RBMS3: variants seen among roughly 807,000 people sequenced by gnomAD.
RBMS3 encodes RNA binding motif single stranded interacting protein 3.
In RBMS3, 27 loss-of-function variants were observed where a neutral mutation model predicts 66.8. The observed-to-expected ratio is 0.40, with a 90% CI of 0.30 to 0.56. The LOEUF (loss-of-function observed/expected upper bound fraction) is 0.56. Among genes scored for constraint, RBMS3 ranks in the 20% least tolerant of loss-of-function variants. The pLI, the probability that RBMS3 is intolerant of heterozygous loss-of-function variation, is 0.40. For missense variants in RBMS3, 513 were observed against 549.5 expected (o/e 0.93, Z 0.66); for synonymous variants, 188 against 183.0 (o/e 1.03, Z -0.22).
chr3:29,341,053 C>A (rs2036253333), intron 1 of RBMS3, among the ~76,000 whole-genome samples: 2 of 151,978 alleles, frequency 1.3e-5, no homozygotes, highest in South Asian at 4.2e-4. Context: ...GGAGAGCCAG[C>A]CACTAGCAAT....
At chr3:29,384,352 T>G (rs1575671756) in intron 1 of RBMS3, among the ~76,000 whole-genome samples, 1 of 151,484 alleles carries the variant, frequency 6.6e-6, no homozygotes, top group South Asian at 2.1e-4. Context: ...AAAACAATTA[T>G]AGTGGAAGAG....
chr3:29,523,620 A>T (rs1287673296), intron 3 of RBMS3, among the ~76,000 whole-genome samples: 1 of 152,184 alleles, frequency 6.6e-6, no homozygotes, highest in Non-Finnish European at 1.5e-5. Context: ...ATGATTCTTG[A>T]AGCCTTAATA....
intron 4 of RBMS3, among the ~76,000 whole-genome samples, chr3:29,665,978 T>C (rs982887438): frequency 5.3e-5 from 8 of 152,182 alleles, no homozygotes; most frequent in Admixed American, 1.3e-4. Context: ...AAAAGGCTCG[T>C]CTACAGTTAA....
At chr3:29,826,738 C>T (rs2058221478) in intron 6 of RBMS3, among the ~76,000 whole-genome samples, 1 of 152,102 alleles carries the variant, frequency 6.6e-6, no homozygotes, top group African/African-American at 2.4e-5. Context: ...CAATATTTCT[C>T]CTTGGATCAC....
chr3:29,568,636 AT>A (rs2046826380), intron 3 of RBMS3, among the ~76,000 whole-genome samples: 1 of 152,146 alleles, frequency 6.6e-6, no homozygotes, highest in Non-Finnish European at 1.5e-5. Flanking sequence ...CTGAGGACTC[AT>A]TGCTATCAAA....
intron 3 of RBMS3, among the ~76,000 whole-genome samples, chr3:29,544,922 G>A (rs1224339113): frequency 6.6e-6 from 1 of 152,088 alleles, no homozygotes. Context: ...TAGCCCTTTG[G>A]ATAGGCAATA....
intron 1 of RBMS3, among the ~76,000 whole-genome samples, chr3:29,424,648 T>C (rs560257458): frequency 1.3e-5 from 2 of 152,334 alleles, no homozygotes; most frequent in Admixed American, 1.3e-4. Context: ...AGTTCCCATT[T>C]AATTGGACAA....
At chr3:29,537,836 A>AAG (rs984866687) in intron 3 of RBMS3, among the ~76,000 whole-genome samples, 7 of 151,006 alleles carry the variant, frequency 4.6e-5, no homozygotes, top group African/African-American at 1.2e-4. Context: ...AAAAAAAAAA[A>AAG]AAAGAAAGAA....
chr3:29,756,399 T>A (rs2055414748), intron 5 of RBMS3, among the ~76,000 whole-genome samples: 1 of 152,112 alleles, frequency 6.6e-6, no homozygotes, highest in South Asian at 2.1e-4. Context: ...TTTCATGGAC[T>A]CACAGATCCA....
At position 29,837,663 on chromosome 3, in the gene RBMS3, C is replaced by CATATATATATAT. The variant is rs3070797; in HGVS notation, c.638-31162_638-31151dup. Among the ~76,000 whole-genome samples, 200 of 67,626 alleles carry CATATATATATAT rather than the reference C, an allele frequency of 3.0e-3. 4 individuals are homozygous for CATATATATATAT. Among genetic ancestry groups the CATATATATATAT allele is most frequent in the Non-Finnish European group, 4.1e-3 (146 of 35,488 alleles). 44.4% of individuals were successfully genotyped at this position (67,626 alleles called of 152,430 possible). ...ATAATGAACATATATATATAATGAA[C>CATATATATATAT]ATATATATATATATATATATATATA... On this transcript the variant is annotated intron_variant, in intron 6 of 14. Transcript: ENST00000383767.
chr3:29,627,041 A>G (rs2049086314), intron 4 of RBMS3, among the ~76,000 whole-genome samples: 1 of 152,158 alleles, frequency 6.6e-6, no homozygotes, highest in Non-Finnish European at 1.5e-5. Context: ...TAGTTTCCTT[A>G]TCTGAAAAAT....
rs184230610 is a variant in RBMS3, at chr3:29,682,345, G to A, written c.400-57375G>A. ...TTTGTTTGTTTGTTTTAGTAGAGACGGGTTTCACCATGTTGGCCAGGATGG... is the reference window on the plus strand; with the variant it reads ...TTTGTTTGTTTGTTTTAGTAGAGACAGGTTTCACCATGTTGGCCAGGATGG... On this transcript the variant is annotated intron_variant, in intron 4 of 14. Transcript: ENST00000383767. Among the ~76,000 whole-genome samples, 978 of 152,194 alleles carry A rather than the reference G, an allele frequency of 6.4e-3. 41 individuals are homozygous for A. Among genetic ancestry groups the A allele is most frequent in the Admixed American group, 0.057 (869 of 15,262 alleles).
At chr3:29,822,365 A>G (rs2058096400) in intron 6 of RBMS3, among the ~76,000 whole-genome samples, 1 of 152,190 alleles carries the variant, frequency 6.6e-6, no homozygotes, top group Non-Finnish European at 1.5e-5. Context: ...AATGATGTCT[A>G]AGGCTTTGGA....
intron 1 of RBMS3, among the ~76,000 whole-genome samples, chr3:29,299,373 TA>T (rs1301153201): frequency 6.6e-6 from 1 of 151,856 alleles, no homozygotes; most frequent in Non-Finnish European, 1.5e-5. Flanking sequence ...AATAGTGGTT[TA>T]ATTTTGGGGT....
intron 1 of RBMS3, among the ~76,000 whole-genome samples, chr3:29,364,486 A>C (rs1317755780): frequency 6.6e-6 from 1 of 152,168 alleles, no homozygotes. Context: ...AGTATTTAAG[A>C]AGACAACCTA....
intron 6 of RBMS3, among the ~76,000 whole-genome samples, chr3:29,803,879 G>A (rs970822662): frequency 6.6e-6 from 1 of 151,956 alleles, no homozygotes; most frequent in Non-Finnish European, 1.5e-5. Context: ...TAATTATAAA[G>A]AATTTAATCA....
intron 4 of RBMS3, among the ~76,000 whole-genome samples, chr3:29,673,829 G>A (rs1188419499): frequency 2.0e-5 from 3 of 152,186 alleles, no homozygotes; most frequent in Non-Finnish European, 4.4e-5. Flanking sequence ...GAGGTACAAA[G>A]AGGAGCTGGT....
At chr3:29,313,080 A>C (rs765888504) in intron 1 of RBMS3, among the ~76,000 whole-genome samples, 2 of 151,746 alleles carry the variant, frequency 1.3e-5, no homozygotes, top group Non-Finnish European at 2.9e-5. Flanking sequence ...CCATCTGTGG[A>C]TCATATAATG....
chr3:29,693,179 C>T (rs768306302), intron 4 of RBMS3, among the ~76,000 whole-genome samples: 5 of 152,054 alleles, frequency 3.3e-5, no homozygotes, highest in African/African-American at 1.2e-4. Context: ...CATTTTTTCC[C>T]CAAATTTTAG....
Sources: gnomAD v4.1 joint callset for allele counts (sites outside exome capture counted in the v4.1 genomes callset) on GRCh38, gnomAD v4.1.1 for gene constraint, MANE v1.5 for transcripts, NCBI Gene and HGNC (gene_info 2026-07-23, HGNC 2026-07-21) for gene names.